Variants in PRKCE observed in about 807,000 individuals in gnomAD.
PRKCE encodes the protein protein kinase C epsilon, also known as protein kinase C epsilon type.
A neutral mutation model predicts 85.4 loss-of-function variants in PRKCE; 16 were observed. The ratio of observed to expected loss-of-function variants is 0.19; its 90% CI spans 0.13 to 0.28. PRKCE has a LOEUF of 0.28. Among genes scored for constraint, PRKCE ranks in the 10% least tolerant of loss-of-function variants. The pLI is 1.00. For synonymous variants in PRKCE, 388 were observed against 371.5 expected (o/e 1.04, Z -0.51); for missense variants, 573 against 975.2 (o/e 0.59, Z 5.49).
chr2:45,977,843 TTCTAGCAAGCTG>T (rs1424215365), intron 3 of PRKCE, among the ~76,000 whole-genome samples: 1 of 152,158 alleles, frequency 6.6e-6, no homozygotes, highest in African/African-American at 2.4e-5. Flanking sequence ...CCACCAGCCT[TTCTAGCAAGCTG>T]TCTGAGCTCT....
intron 10 of PRKCE, among the ~76,000 whole-genome samples, chr2:46,059,244 C>T (rs552346590): frequency 2.2e-4 from 33 of 151,812 alleles, no homozygotes; most frequent in Middle Eastern, 3.4e-3. Context: ...GCCATGATCG[C>T]GCCGTTGCAC....
chr2:45,799,379 G>T (rs1687684548), intron 1 of PRKCE, among the ~76,000 whole-genome samples: 2 of 151,950 alleles, frequency 1.3e-5, no homozygotes, highest in Non-Finnish European at 2.9e-5. Context: ...TAGATAAATT[G>T]TAGTAAATAT....
chr2:45,886,156 G>A (rs1021175193), intron 2 of PRKCE, among the ~76,000 whole-genome samples: 2 of 152,198 alleles, frequency 1.3e-5, no homozygotes, highest in African/African-American at 2.4e-5. Flanking sequence ...TTCACATGCT[G>A]GACCATTTCT....
chr2:45,952,510 C>T (rs982579445), intron 2 of PRKCE, among the ~76,000 whole-genome samples: 1 of 152,138 alleles, frequency 6.6e-6, no homozygotes, highest in African/African-American at 2.4e-5. Flanking sequence ...CTTCAGGCTC[C>T]CTTGTTAACT....
intron 10 of PRKCE, among the ~76,000 whole-genome samples, chr2:46,014,142 C>T (rs1158647461): frequency 2.0e-5 from 3 of 152,126 alleles, no homozygotes; most frequent in Non-Finnish European, 4.4e-5. Flanking sequence ...CTTTCCAGGG[C>T]TAGTGAGAAA....
chr2:45,683,940 G>GA (rs1677092808), intron 1 of PRKCE, among the ~76,000 whole-genome samples: 1 of 152,160 alleles, frequency 6.6e-6, no homozygotes, highest in Non-Finnish European at 1.5e-5. Context: ...AATAATGTGG[G>GA]AAGCTAAGTT....
chr2:46,010,761 C>G (rs748583576), intron 10 of PRKCE: 1 of 1,597,810 alleles, frequency 6.3e-7, no homozygotes, highest in East Asian at 2.2e-5. Flanking sequence ...CAGAGTTGGA[C>G]AAAGCCAAAT....
intron 1 of PRKCE, among the ~76,000 whole-genome samples, chr2:45,715,777 C>G (rs145314014): frequency 6.6e-6 from 1 of 152,300 alleles, no homozygotes; most frequent in East Asian, 1.9e-4. Flanking sequence ...TTTGGTGACT[C>G]AATTATTTTT....
At chr2:45,700,238 C>G in intron 1 of PRKCE, among the ~76,000 whole-genome samples, 1 of 151,832 alleles carries the variant, frequency 6.6e-6, no homozygotes, top group Admixed American at 6.6e-5. Flanking sequence ...GGTCTTTTTT[C>G]TTTGCAGCAC....
intron 1 of PRKCE, among the ~76,000 whole-genome samples, chr2:45,814,037 T>C (rs975678118): frequency 1.3e-5 from 2 of 151,918 alleles, no homozygotes; most frequent in African/African-American, 4.8e-5. Flanking sequence ...AGCCCCCACC[T>C]CCGGTCCCCC....
intron 2 of PRKCE, among the ~76,000 whole-genome samples, chr2:45,917,399 A>G (rs1157540072): frequency 2.0e-5 from 3 of 152,074 alleles, no homozygotes; most frequent in Non-Finnish European, 2.9e-5. Flanking sequence ...TGAGCTAGAC[A>G]TTAAGGTTCT....
Position 45,661,695 on chromosome 2 carries a change from A to ATT in PRKCE, c.348+9263_348+9264dup, listed in dbSNP as rs11406617. Among the ~76,000 whole-genome samples the ATT allele has an allele frequency of 1.9e-4, 25 of 130,564 alleles. No homozygotes were observed. The East Asian group carries it at 2.9e-3, about 15-fold the overall frequency. The allele number at this position is 130,564 out of a possible 152,430, so 85.7% of individuals were successfully genotyped here. On this transcript the variant is annotated intron_variant, in intron 1 of 14. Coordinates refer to ENST00000306156, the MANE Select transcript of PRKCE (RefSeq NM_005400.3). Reference sequence around the variant, plus strand: ...AGGTGCCCGCCACCACGCCCAGCTAATTTTTTTTTTTTTTTTTGTATTTTT... The same window carrying ATT: ...AGGTGCCCGCCACCACGCCCAGCTAATTTTTTTTTTTTTTTTTTTGTATTTTT...
chr2:45,894,237 C>A (rs2103637142), intron 2 of PRKCE, among the ~76,000 whole-genome samples: 1 of 152,022 alleles, frequency 6.6e-6, no homozygotes, highest in African/African-American at 2.4e-5. Context: ...GTAGCAGAAT[C>A]ACTGGGGGCG....
At chr2:45,803,493 A>T (rs187938031) in intron 1 of PRKCE, among the ~76,000 whole-genome samples, 38 of 152,320 alleles carry the variant, frequency 2.5e-4, no homozygotes, top group African/African-American at 7.9e-4. Flanking sequence ...TGCTTTTCCC[A>T]ATGGCATTAT....
chr2:46,160,075 TA>T (rs1431927511), intron 14 of PRKCE: 6 of 272,696 alleles, frequency 2.2e-5, no homozygotes, highest in Non-Finnish European at 3.4e-5. Context: ...GGTAGAGACA[TA>T]AGGTTTCTTT....
In PRKCE at chr2:46,159,291, G is replaced by T. The variant is rs1677521746; in HGVS notation, c.1921-315G>T. On this transcript the variant is annotated intron_variant, in intron 13 of 14. Transcript: ENST00000306156. The surrounding 1 kb of genome is among the most constrained non-coding windows in gnomAD (Gnocchi z 4.1). ...CCCAGCTTGGTCCCTTACTAGCTGGGTGACTTTGGCCAAATTAGCTGACCT... is the reference window on the plus strand; with the variant it reads ...CCCAGCTTGGTCCCTTACTAGCTGGTTGACTTTGGCCAAATTAGCTGACCT... 6.6e-6 allele frequency among the ~76,000 whole-genome samples: 1 copy of T among 152,174 alleles called. No individual in the cohort carries two copies. Among genetic ancestry groups the T allele is most frequent in the South Asian group, 2.1e-4 (1 of 4,822 alleles).
At chr2:46,071,636 G>A (rs1668093838) in intron 10 of PRKCE, among the ~76,000 whole-genome samples, 1 of 152,156 alleles carries the variant, frequency 6.6e-6, no homozygotes, top group African/African-American at 2.4e-5. Context: ...TGGAAGGAGT[G>A]CCCAAACAGG....
chr2:46,032,989 G>C lies in PRKCE; in HGVS notation c.1437+22472G>C, dbSNP rs186830667. On this transcript the variant is annotated intron_variant, in intron 10 of 14. Coordinates refer to ENST00000306156, the MANE Select transcript of PRKCE (RefSeq NM_005400.3). ...CGTCAGTGGTGCTTCTAAAGGTCAG[G>C]GTTTCATGTATAGAACTGGAGCCAT... Among the ~76,000 whole-genome samples the C allele has an allele frequency of 2.4e-3, 371 of 152,234 alleles. 2 individuals are homozygous for C. The highest frequency in any genetic ancestry group is 8.7e-3 in the African/African-American group (360 of 41,518).
At chr2:45,692,520 T>C (rs2104086882) in intron 1 of PRKCE, among the ~76,000 whole-genome samples, 1 of 152,234 alleles carries the variant, frequency 6.6e-6, no homozygotes, top group East Asian at 1.9e-4. Flanking sequence ...AGGCCATATT[T>C]CCAAATCAGG....
Sources: gnomAD v4.1 joint callset for allele counts (sites outside exome capture counted in the v4.1 genomes callset) on GRCh38, gnomAD v4.1.1 for gene constraint, Gnocchi (gnomAD v3.1) non-coding constraint, MANE v1.5 for transcripts, NCBI Gene and HGNC (gene_info 2026-07-23, HGNC 2026-07-21) for gene names.